TERF1: variants seen among roughly 807,000 people sequenced by gnomAD.
TERF1 encodes the protein telomeric repeat-binding factor 1.
In TERF1, 20 loss-of-function variants were observed where a neutral mutation model predicts 55.1. The observed-to-expected ratio is 0.36, with a 90% confidence interval of 0.26 to 0.53. The LOEUF is 0.53. Among genes scored for constraint, TERF1 ranks in the 20% least tolerant of loss-of-function variants. The pLI is 0.91. For missense variants in TERF1, 439 were observed against 535.7 expected, an observed-to-expected ratio of 0.82 and a Z score of 1.78; for synonymous variants, 168 against 181.2, an observed-to-expected ratio of 0.93 and a Z score of 0.59.
chr8:73,038,860 A>G (rs1029993763), intron 8 of TERF1: 2 of 594,222 alleles, frequency 3.4e-6, no homozygotes, highest in Non-Finnish European at 4.5e-6. Flanking sequence ...AGATAATGGA[A>G]AGACAGGTTC....
intron 1 of TERF1, chr8:73,010,814 A>C (rs980149669): frequency 6.6e-6 from 1 of 152,258 alleles, no homozygotes; most frequent in Non-Finnish European, 1.5e-5. Flanking sequence ...AGAACAATAG[A>C]TACATGGGAT....
intron 1 of TERF1, 34 bp downstream of exon 1, chr8:73,009,239 C>G (rs1399301537): frequency 6.3e-7 from 1 of 1,580,494 alleles, no homozygotes; most frequent in African/African-American, 1.3e-5. Context: ...CGGGACTACG[C>G]GGGGGGCGGA....
chr8:73,015,259 G>A (rs1808450812), intron 2 of TERF1, among the ~76,000 whole-genome samples: 1 of 151,278 alleles, frequency 6.6e-6, no homozygotes, highest in South Asian at 2.1e-4. Flanking sequence ...ACTAAACTGA[G>A]GCAGCATTTA....
At chr8:73,015,613 G>A (rs1407959804) in intron 2 of TERF1, among the ~76,000 whole-genome samples, 3 of 151,838 alleles carry the variant, frequency 2.0e-5, no homozygotes, top group African/African-American at 7.3e-5. Context: ...CGAGGTGAGC[G>A]GATCACGAGG....
intron 4 of TERF1, among the ~76,000 whole-genome samples, chr8:73,023,288 C>T (rs1808849666): frequency 1.3e-5 from 2 of 152,204 alleles, no homozygotes; most frequent in Admixed American, 6.5e-5. Flanking sequence ...GCTCCACACA[C>T]CTTGTATCTG....
At chr8:73,012,347 AT>A (rs1808311214) in intron 1 of TERF1, 1 of 152,226 alleles carries the variant, frequency 6.6e-6, no homozygotes, top group South Asian at 2.1e-4. Flanking sequence ...TATTGCAAGA[AT>A]TATCAAAATG....
At chr8:73,021,765 T>A (rs991050098) in intron 3 of TERF1, among the ~76,000 whole-genome samples, 1 of 152,138 alleles carries the variant, frequency 6.6e-6, no homozygotes, top group African/African-American at 2.4e-5. Context: ...AAATGATCAT[T>A]AAAAAACATC....
chr8:73,030,195 G>A (rs926775911), intron 6 of TERF1, 141 bp from the exon 7 acceptor site: 3 of 551,398 alleles, frequency 5.4e-6, no homozygotes, highest in Admixed American at 8.3e-5. Context: ...GTAATGGACT[G>A]TATATGTCCC....
intron 4 of TERF1, among the ~76,000 whole-genome samples, chr8:73,024,564 T>C (rs936209226): frequency 6.6e-6 from 1 of 152,194 alleles, no homozygotes; most frequent in African/African-American, 2.4e-5. Context: ...TTTCTGAAAC[T>C]GGGTAATGGA....
intron 6 of TERF1, 118 bp downstream of exon 6, chr8:73,027,170 T>A: frequency 1.3e-6 from 1 of 741,042 alleles, no homozygotes; most frequent in Non-Finnish European, 2.1e-6. Context: ...TTGCTGATGA[T>A]TAACATTTAG....
rs571849927 is a variant in TERF1 at position 73,018,869 on chromosome 8, AG to A, written c.416-1814del. 2.8e-4 allele frequency: 42 copies of A among 152,256 alleles called. 1 individual carries two copies. The highest frequency in any genetic ancestry group is 2.6e-3 in the Admixed American group (40 of 15,290). 9.4% of individuals were successfully genotyped at this position (152,256 alleles called of 1,614,324 possible). A position where few individuals can be genotyped will look rare whatever the true frequency, so the allele number is the denominator to read the frequency against. On this transcript the variant is annotated intron_variant, in intron 2 of 9. Coordinates refer to ENST00000276603, the MANE Select transcript of TERF1 (RefSeq NM_017489.3). ...TTTTTTGTCTTCAAGACACTGTAAA[AG>A]CTAATAGGGTTGTTGAGGTAAGTAT...
At chr8:73,014,262 T>C (rs746234592) in intron 2 of TERF1, among the ~76,000 whole-genome samples, 1 of 151,230 alleles carries the variant, frequency 6.6e-6, no homozygotes, top group Admixed American at 6.6e-5. Flanking sequence ...AAAAACATAG[T>C]GCTGAGTCTC....
chr8:73,012,804 A>C (rs2129716185), intron 1 of TERF1: 1 of 417,090 alleles, frequency 2.4e-6, no homozygotes, highest in South Asian at 1.7e-5. Flanking sequence ...GGTACTCATT[A>C]AAATTTTAAT....
rs564041284 is a variant in TERF1, at chr8:73,017,989, G to A, written c.416-2695G>A. On this transcript the variant is annotated intron_variant, in intron 2 of 9. Coordinates refer to ENST00000276603, the MANE Select transcript of TERF1 (RefSeq NM_017489.3). ...CTCCCAAAGTGCTGGGATTACAGGC[G>A]TGAGCCACCGCGCCTGGCCATGCAT... Among the ~76,000 whole-genome samples the A allele has an allele frequency of 5.9e-5, 9 of 152,262 alleles. No individual in the cohort carries two copies. The South Asian group carries it at 1.0e-3, about 18-fold the overall frequency.
chr8:73,017,707 C>CT (rs71949936), intron 2 of TERF1, among the ~76,000 whole-genome samples: 31,851 of 140,154 alleles, frequency 0.23, 3,739 homozygotes, highest in Middle Eastern at 0.31. Context: ...TATTTTTTTT[C>CT]TTTTTTTTTT....
chr8:73,045,768 C>T (rs1170125702), intron 9 of TERF1, among the ~76,000 whole-genome samples, 193 bp from the exon 10 acceptor site: 1 of 152,110 alleles, frequency 6.6e-6, no homozygotes, highest in East Asian at 1.9e-4. Context: ...ATAAAATGAA[C>T]AGTAATAATA....
intron 8 of TERF1, among the ~76,000 whole-genome samples, chr8:73,037,886 G>A (rs1207741674): frequency 4.7e-5 from 5 of 106,642 alleles, no homozygotes; most frequent in African/African-American, 7.6e-5. Flanking sequence ...ATATAAATAT[G>A]ATATATAATA....
intron 1 of TERF1, 33 bp from the exon 2 acceptor site, chr8:73,013,862 A>T: frequency 2.1e-6 from 3 of 1,453,966 alleles, no homozygotes; most frequent in Non-Finnish European, 2.9e-6. Flanking sequence ...ATCAAGTTTG[A>T]TTTTAATAAA....
rs114627794 is a variant in TERF1, at chr8:73,015,479, A to T, written c.415+1489A>T. ...TACTTTGGGAGGCCTAGACAGGAGG[A>T]TCGCTTGAGCCTAAGAATTTGACAC... is the stretch of plus-strand genomic sequence containing the variant. On this transcript the variant is annotated intron_variant, in intron 2 of 9. Coordinates refer to ENST00000276603, the MANE Select transcript of TERF1 (RefSeq NM_017489.3). Among the ~76,000 whole-genome samples the T allele has an allele frequency of 6.0e-3, 917 of 152,138 alleles. 9 individuals carry two copies. Among genetic ancestry groups the T allele is most frequent in the African/African-American group, 0.021 (867 of 41,490 alleles).
Sources: allele counts gnomAD v4.1 joint callset (sites outside exome capture counted in the v4.1 genomes callset), GRCh38; gene constraint gnomAD v4.1.1; transcripts MANE v1.5; gene names NCBI Gene and HGNC (gene_info 2026-07-23, HGNC 2026-07-21).